Variants in HDGFL3 observed in about 807,000 individuals in gnomAD.
HDGFL3 encodes the protein hepatoma-derived growth factor-related protein 3.
In HDGFL3, 6 loss-of-function variants were observed where a neutral mutation model predicts 27.6. That is an observed-to-expected ratio of 0.22 (90% CI 0.12 to 0.43). The LOEUF (loss-of-function observed/expected upper bound fraction) is 0.43. Among genes scored for constraint, HDGFL3 ranks in the 20% least tolerant of loss-of-function variants. The pLI, the probability that HDGFL3 is intolerant of heterozygous loss-of-function variation, is 1.00. For missense variants in HDGFL3, 207 were observed against 250.1 expected (o/e 0.83, Z 1.16); for synonymous variants, 88 against 88.9 (o/e 0.99, Z 0.05).
chr15:83,150,450 T>G (rs2036949744), intron 5 of HDGFL3, among the ~76,000 whole-genome samples: 3 of 152,142 alleles, frequency 2.0e-5, no homozygotes, highest in Admixed American at 1.3e-4. Flanking sequence ...ATCAGAATCA[T>G]AATACTTTGG....
chr15:83,188,200 C>T (rs971701084), intron 1 of HDGFL3, among the ~76,000 whole-genome samples: 2 of 152,098 alleles, frequency 1.3e-5, no homozygotes, highest in Non-Finnish European at 2.9e-5. Flanking sequence ...CAAGATTTGC[C>T]TTTCAGTGAA....
intron 3 of HDGFL3, chr15:83,122,031 T>C: frequency 1.3e-6 from 2 of 1,552,296 alleles, no homozygotes; most frequent in Non-Finnish European, 1.8e-6. Context: ...AAAGTTCACT[T>C]TCCTTTTCTA....
At chr15:83,142,043 G>T (rs1421175792) in intron 5 of HDGFL3, among the ~76,000 whole-genome samples, 1 of 152,182 alleles carries the variant, frequency 6.6e-6, no homozygotes, top group African/African-American at 2.4e-5. Flanking sequence ...AGGTTGCAGA[G>T]AAAAGGGAAC....
intron 1 of HDGFL3, among the ~76,000 whole-genome samples, chr15:83,183,518 C>T (rs1166473081): frequency 2.6e-5 from 4 of 151,966 alleles, no homozygotes; most frequent in Admixed American, 2.0e-4. Flanking sequence ...CCCTGCACTT[C>T]GGGAGGCCAA....
In HDGFL3 at chr15:83,133,377, G is replaced by A. The variant is rs2036388167; in HGVS notation, c.*5893C>T. On this transcript the variant is annotated 3_prime_UTR_variant, in exon 6 of 6. Coordinates refer to ENST00000299633, the MANE Select transcript of HDGFL3 (RefSeq NM_016073.4). ...TGTGGAACCACGATTAACTTTTTTA[G>A]TTATCCTTTACAGATTGTCTCTATA... is the stretch of plus-strand genomic sequence containing the variant. 1 of 152,060 alleles carries A rather than the reference G, an allele frequency of 6.6e-6. No homozygotes were observed. The highest frequency in any genetic ancestry group is 2.1e-4 in the South Asian group (1 of 4,826). The allele number at this position is 152,060 out of a possible 1,614,324, so 9.4% of individuals were successfully genotyped here. A position where few individuals can be genotyped will look rare whatever the true frequency, so the allele number is the denominator to read the frequency against.
In HDGFL3 at chr15:83,132,290, C is replaced by T. The variant is rs893281618; in HGVS notation, c.*6980G>A. The T allele has an allele frequency of 2.6e-5, 4 of 152,182 alleles. No individual in the cohort carries two copies. Among genetic ancestry groups the T allele is most frequent in the African/African-American group, 9.7e-5 (4 of 41,436 alleles). 9.4% of individuals were successfully genotyped at this position (152,182 alleles called of 1,614,324 possible). On this transcript the variant is annotated 3_prime_UTR_variant, in exon 6 of 6. Coordinates refer to ENST00000299633, the MANE Select transcript of HDGFL3 (RefSeq NM_016073.4). The stretch of plus-strand genomic sequence containing the variant: ...GTTGTTCCGAAGATTAACCTGAAGA[C>T]AAACTAATTAAATTAAGTGTATTGT...
Position 83,188,787 on chromosome 15 carries a change from C to T in HDGFL3, c.84+18544G>A, listed in dbSNP as rs192569517. ...TCATCTGGTTCTATGGTTTTAAATG[C>T]CACCTGTATGTTGATGAGTCTCATA... On this transcript the variant is annotated intron_variant, in intron 1 of 5. Coordinates refer to ENST00000299633, the MANE Select transcript of HDGFL3 (RefSeq NM_016073.4). Among the ~76,000 whole-genome samples, 17 of 152,190 alleles carry T rather than the reference C, an allele frequency of 1.1e-4. No individual in the cohort carries two copies. The South Asian group carries it at 1.9e-3, about 17-fold the overall frequency.
intron 1 of HDGFL3, among the ~76,000 whole-genome samples, chr15:83,182,869 TGATG>T (rs1306663358): frequency 6.6e-6 from 1 of 152,196 alleles, no homozygotes; most frequent in East Asian, 1.9e-4. Context: ...TAAGATAGCT[TGATG>T]GATGAACAGA....
chr15:83,199,346 G>C (rs1194796857), intron 1 of HDGFL3, among the ~76,000 whole-genome samples: 11 of 152,168 alleles, frequency 7.2e-5, no homozygotes, highest in Admixed American at 7.2e-4. Context: ...AAAGGAAATA[G>C]AGATCTGAAG....
chr15:83,118,492 C>T (rs930161451), intron 3 of HDGFL3, among the ~76,000 whole-genome samples: 2 of 152,164 alleles, frequency 1.3e-5, no homozygotes. Context: ...CAGAGCAAGT[C>T]CAAGAGAAGG....
At chr15:83,167,157 C>T (rs943898343) in intron 1 of HDGFL3, among the ~76,000 whole-genome samples, 5 of 152,150 alleles carry the variant, frequency 3.3e-5, no homozygotes, top group East Asian at 1.9e-4. Flanking sequence ...CCCATAAGCT[C>T]GAACTAAAGG....
intron 1 of HDGFL3, among the ~76,000 whole-genome samples, chr15:83,199,437 T>A (rs532001348): frequency 6.6e-6 from 1 of 152,330 alleles, no homozygotes; most frequent in African/African-American, 2.4e-5. Context: ...TGCTAACCAC[T>A]ACTGAAACTA....
intron 3 of HDGFL3, among the ~76,000 whole-genome samples, chr15:83,116,407 C>T (rs1445298208): frequency 6.6e-6 from 1 of 152,162 alleles, no homozygotes; most frequent in Non-Finnish European, 1.5e-5. Flanking sequence ...ACCTGGTACT[C>T]GAGAGAGCTA....
At chr15:83,188,752 C>T (rs2151419234) in intron 1 of HDGFL3, among the ~76,000 whole-genome samples, 1 of 152,248 alleles carries the variant, frequency 6.6e-6, no homozygotes, top group East Asian at 1.9e-4. Flanking sequence ...TACTTACTCC[C>T]TTGGTGATTT....
intron 1 of HDGFL3, among the ~76,000 whole-genome samples, chr15:83,173,704 C>T (rs2037273955): frequency 6.6e-6 from 1 of 152,124 alleles, no homozygotes; most frequent in Non-Finnish European, 1.5e-5. Flanking sequence ...TTATGGACTC[C>T]CAAATCTCTA....
At chr15:83,140,480 A>AT (rs772081760) in intron 5 of HDGFL3, among the ~76,000 whole-genome samples, 2 of 111,054 alleles carry the variant, frequency 1.8e-5, no homozygotes, top group Non-Finnish European at 3.6e-5. Context: ...AACCAAAGAA[A>AT]GTTTTTTTTT....
chr15:83,186,813 CCA>C (rs1384055826), intron 1 of HDGFL3, among the ~76,000 whole-genome samples: 1 of 152,062 alleles, frequency 6.6e-6, no homozygotes, highest in Non-Finnish European at 1.5e-5. Flanking sequence ...CACTAAAATC[CCA>C]GACTTTACCG....
intron 1 of HDGFL3, among the ~76,000 whole-genome samples, chr15:83,197,001 T>G (rs886322212): frequency 1.3e-5 from 2 of 152,240 alleles, no homozygotes; most frequent in Non-Finnish European, 2.9e-5. Flanking sequence ...CTGCACTACT[T>G]TTGTCATTTG....
intron 1 of HDGFL3, among the ~76,000 whole-genome samples, chr15:83,199,073 C>T (rs369927482): frequency 6.6e-6 from 1 of 152,150 alleles, no homozygotes; most frequent in South Asian, 2.1e-4. Context: ...TTTCCAAAGT[C>T]TAAATATTTT....
Sources: allele counts gnomAD v4.1 joint callset (sites outside exome capture counted in the v4.1 genomes callset), GRCh38; gene constraint gnomAD v4.1.1; transcripts MANE v1.5; gene names NCBI Gene and HGNC (gene_info 2026-07-23, HGNC 2026-07-21).